Variants in ARHGAP23 observed in about 807,000 individuals in gnomAD.
ARHGAP23 encodes the protein rho GTPase-activating protein 23.
Under a neutral mutation model 136.3 loss-of-function variants are expected in ARHGAP23, and 34 were observed. That is an observed-to-expected ratio of 0.25 (90% CI 0.19 to 0.33). ARHGAP23 has a LOEUF of 0.33. ARHGAP23 is among the 10% of genes least tolerant of loss of function. The pLI is 1.00. For missense variants in ARHGAP23, 1,808 were observed against 2,139.0 expected, an observed-to-expected ratio of 0.85 and a Z score of 3.05; for synonymous variants, 832 against 920.5, an observed-to-expected ratio of 0.90 and a Z score of 1.74.
intron 1 of ARHGAP23, among the ~76,000 whole-genome samples, chr17:38,438,006 A>T (rs151325110): frequency 5.3e-5 from 8 of 151,082 alleles, no homozygotes; most frequent in African/African-American, 1.7e-4. Context: ...CTGTGGGGAG[A>T]TGAGGCTTGC....
chr17:38,437,798 G>C (rs934502658), intron 1 of ARHGAP23, among the ~76,000 whole-genome samples: 7 of 148,378 alleles, frequency 4.7e-5, no homozygotes, highest in South Asian at 2.1e-4. Flanking sequence ...ATAACGAAGG[G>C]GGGGGAGGGC....
chr17:38,455,625 AG>A (rs2039306037), intron 1 of ARHGAP23, among the ~76,000 whole-genome samples: 1 of 152,144 alleles, frequency 6.6e-6, no homozygotes, highest in African/African-American at 2.4e-5. Context: ...ACCTTAATCC[AG>A]GACAGCAGCA....
chr17:38,469,944 G>A, intron 10 of ARHGAP23, 40 bp downstream of exon 10: 2 of 1,549,316 alleles, frequency 1.3e-6, no homozygotes, highest in Non-Finnish European at 1.7e-6. Context: ...AGGAGCGAGG[G>A]TGTGGGGAGA....
chr17:38,509,676 G>A (rs957808486), intron 23 of ARHGAP23, among the ~76,000 whole-genome samples: 1 of 152,106 alleles, frequency 6.6e-6, no homozygotes, highest in Non-Finnish European at 1.5e-5. Flanking sequence ...GGCTGGATAC[G>A]GAAAACAGAA....
In ARHGAP23 at chr17:38,450,486, C is replaced by T. The variant is rs2039136062; in HGVS notation, c.64-7616C>T. 2.6e-5 allele frequency: 4 copies of T among 151,804 alleles called. No homozygotes were observed. In the South Asian group the frequency reaches 8.3e-4, roughly 31 times the overall value. The allele number at this position is 151,804 out of a possible 1,614,324, so 9.4% of individuals were successfully genotyped here. A position where few individuals can be genotyped will look rare whatever the true frequency, so the allele number is the denominator to read the frequency against. On this transcript the variant is annotated intron_variant, in intron 1 of 23. Transcript: ENST00000622683. ...GCTGGAGAGCAATCTCTGCTCATTGCAACCTCTACCTCCCAGGCTCAGGTG... is the reference window on the plus strand; with the variant it reads ...GCTGGAGAGCAATCTCTGCTCATTGTAACCTCTACCTCCCAGGCTCAGGTG...
chr17:38,459,744 G>A (rs1007025311), intron 2 of ARHGAP23, among the ~76,000 whole-genome samples: 2 of 152,174 alleles, frequency 1.3e-5, no homozygotes, highest in South Asian at 2.1e-4. Context: ...GTGTTCTCCC[G>A]TCCTTCATGC....
In ARHGAP23 at chr17:38,511,050, C is replaced by T. The variant is rs1266613416; in HGVS notation, c.*78C>T. ...ACCAGGAGGCTTCACCAGCCTGCAC[C>T]TCCTCTTCTGTGGCCCCTGGGTGCA... is the stretch of plus-strand genomic sequence containing the variant. On this transcript the variant is annotated 3_prime_UTR_variant, in exon 24 of 24. Coordinates refer to ENST00000622683, the MANE Select transcript of ARHGAP23 (RefSeq NM_001199417.2). 3 of 1,336,850 alleles carry T rather than the reference C, an allele frequency of 2.2e-6. No individual in the cohort carries two copies. Among genetic ancestry groups the T allele is most frequent in the Admixed American group, 3.9e-5 (1 of 25,438 alleles). 82.8% of individuals were successfully genotyped at this position (1,336,850 alleles called of 1,614,324 possible). A position where few individuals can be genotyped will look rare whatever the true frequency, so the allele number is the denominator to read the frequency against.
upstream of ARHGAP23, among the ~76,000 whole-genome samples, chr17:38,427,851 C>T (rs960602263): frequency 6.6e-6 from 1 of 152,192 alleles, no homozygotes; most frequent in African/African-American, 2.4e-5. Context: ...CGTCTCCCCA[C>T]CCCCTGCACT....
At chr17:38,501,398 T>A (rs1299829929) in intron 23 of ARHGAP23, among the ~76,000 whole-genome samples, 4 of 152,048 alleles carry the variant, frequency 2.6e-5, no homozygotes, top group Non-Finnish European at 4.4e-5. Context: ...GCCTCCCAGG[T>A]TCACACCATT....
intron 1 of ARHGAP23, among the ~76,000 whole-genome samples, chr17:38,438,559 TG>T (rs1725904044): frequency 6.6e-6 from 1 of 152,096 alleles, no homozygotes; most frequent in African/African-American, 2.4e-5. Flanking sequence ...GTATCCCTCA[TG>T]CCATACTGAG....
At chr17:38,473,702 G>C (rs1239422046) in intron 11 of ARHGAP23, among the ~76,000 whole-genome samples, 1 of 151,976 alleles carries the variant, frequency 6.6e-6, no homozygotes, top group Non-Finnish European at 1.5e-5. Flanking sequence ...GCGTGGGTAG[G>C]GAGGTATCCA....
At chr17:38,445,303 TA>T (rs61636599) in intron 1 of ARHGAP23, among the ~76,000 whole-genome samples, 31,425 of 111,062 alleles carry the variant, frequency 0.28, 4,284 homozygotes, top group South Asian at 0.34. Flanking sequence ...TGTCTCTACT[TA>T]AAAAAAAAAA....
At chr17:38,486,035 G>T in intron 16 of ARHGAP23, 27 bp from the exon 17 acceptor site, 1 of 1,547,726 alleles carries the variant, frequency 6.5e-7, no homozygotes, top group African/African-American at 1.4e-5. Flanking sequence ...GGGCCTGCCT[G>T]TGCCTGACAT....
chr17:38,467,148 G>A lies in ARHGAP23; in HGVS notation c.1465G>A (p.Val489Met). ...EPPAEDRGDE[V>M]VLRQKPPTGR... ...TCCTGCGGAGGATCGCGGCGATGAG[G>A]TGGTCCTGAGGCAGAAGCCCCCGAC... The change falls in exon 7 of 24, where the codon GTG becomes ATG. Residue 489 changes from valine to methionine, a missense_variant. Val to Met is a conservative substitution (Grantham distance 21, BLOSUM62 1). Transcript: ENST00000622683. The A allele has an allele frequency of 6.5e-7, 1 of 1,549,714 alleles. No individual in the cohort carries two copies. The highest frequency in any genetic ancestry group is 1.2e-5 in the South Asian group (1 of 83,998).
At chr17:38,474,403 G>C (rs775097410) in intron 11 of ARHGAP23, among the ~76,000 whole-genome samples, 1 of 152,182 alleles carries the variant, frequency 6.6e-6, no homozygotes, top group African/African-American at 2.4e-5. Flanking sequence ...AGGAGGGCCA[G>C]GGCTTGCCGG....
chr17:38,433,947 TG>T (rs1281317693), intron 1 of ARHGAP23, among the ~76,000 whole-genome samples: 1 of 152,076 alleles, frequency 6.6e-6, no homozygotes, highest in Non-Finnish European at 1.5e-5. Flanking sequence ...CCTGGGCTGC[TG>T]GGATTACAGG....
At chr17:38,427,557 A>C (rs939155435), upstream of ARHGAP23, among the ~76,000 whole-genome samples, 2 of 152,000 alleles carry the variant, frequency 1.3e-5, no homozygotes, top group African/African-American at 4.8e-5. Context: ...ACAAGGAAAG[A>C]AGCTGGCTCA....
chr17:38,467,019 C>T lies in ARHGAP23; in HGVS notation c.1336C>T (p.Leu446=). The change falls in exon 7 of 24, where the codon CTG becomes TTG. Residue 446 remains leucine (L), a synonymous_variant. Transcript: ENST00000622683. ...CTTCCGGGACTCACCCTTTGGGGGG[C>T]TGCCTACCTTCAACCTGGCCCAGTC... ...LSFRDSPFGG[L]PTFNLAQSPA... is the part of the protein sequence containing the mutation. 6.4e-7 allele frequency: 1 copy of T among 1,550,836 alleles called. No individual in the cohort carries two copies. The highest frequency in any genetic ancestry group is 1.2e-5 in the South Asian group (1 of 84,070).
chr17:38,483,798 A>T (rs1295102390), intron 16 of ARHGAP23, among the ~76,000 whole-genome samples: 1 of 152,082 alleles, frequency 6.6e-6, no homozygotes, highest in Non-Finnish European at 1.5e-5. Flanking sequence ...GGGTTTGAGT[A>T]TTGGAGGAAT....
Sources: gnomAD v4.1 joint callset for allele counts (sites outside exome capture counted in the v4.1 genomes callset) on GRCh38, gnomAD v4.1.1 for gene constraint, MANE v1.5 for transcripts, NCBI Gene and HGNC (gene_info 2026-07-23, HGNC 2026-07-21) for gene names.